The following EIF3K variants were observed in gnomAD, a reference collection of about 807,000 sequenced individuals.
The protein encoded by EIF3K is eukaryotic translation initiation factor 3 subunit K.
EIF3K carries 27 observed loss-of-function variants against 34.2 expected under a neutral mutation model. The observed-to-expected ratio is 0.79, with a 90% CI of 0.58 to 1.09. The LOEUF is 1.09. EIF3K is among the 50% of genes least tolerant of loss of function. The probability of loss-of-function intolerance (pLI) is 0.00; values close to 1 mark genes in which losing one functional copy is unlikely to be tolerated. For synonymous variants in EIF3K, 105 were observed against 105.7 expected (o/e 0.99, Z 0.04); for missense variants, 232 against 275.4 (o/e 0.84, Z 1.11).
At chr19:38,620,553 C>A in intron 2 of EIF3K, 118 bp downstream of exon 2, 2 of 875,592 alleles carry the variant, frequency 2.3e-6, no homozygotes, top group Non-Finnish European at 3.6e-6. Context: ...TCTTGGTGTG[C>A]AAGACTAGGA....
intron 2 of EIF3K, among the ~76,000 whole-genome samples, chr19:38,621,206 A>G (rs1302533778): frequency 6.6e-6 from 1 of 151,684 alleles, no homozygotes; most frequent in Non-Finnish European, 1.5e-5. Flanking sequence ...TTAAAAAAAA[A>G]AAAAAAAAAA....
intron 2 of EIF3K, among the ~76,000 whole-genome samples, chr19:38,621,192 CTT>C (rs1474888901): frequency 7.4e-6 from 1 of 135,380 alleles, no homozygotes; most frequent in Non-Finnish European, 1.6e-5. Flanking sequence ...TGAGACCCCT[CTT>C]TTTAAAAAAA....
chr19:38,620,210 C>T, intron 1 of EIF3K, 127 bp from the exon 2 acceptor site: 1 of 707,682 alleles, frequency 1.4e-6, no homozygotes, highest in Non-Finnish European at 2.5e-6. Flanking sequence ...CTGGATAGAG[C>T]AAGTGGCCAG....
intron 4 of EIF3K, chr19:38,630,815 T>C (rs1394801342): frequency 6.6e-6 from 1 of 152,136 alleles, no homozygotes; most frequent in African/African-American, 2.4e-5. Context: ...TAGTTGGGAT[T>C]ACAGGAATGT....
rs1975776736 is a variant in EIF3K at position 38,619,194 on chromosome 19, C to CT, written c.-74dup. Reference sequence around the variant, plus strand: ...TCGTTTCCGTTTCCACCACCTCTTCCTGTTCCCGTCCTTGAGGACGCCGTG... The same window carrying CT: ...TCGTTTCCGTTTCCACCACCTCTTCCTTGTTCCCGTCCTTGAGGACGCCGTG... On this transcript the variant is annotated 5_prime_UTR_variant, in exon 1 of 8. Coordinates refer to ENST00000248342, the MANE Select transcript of EIF3K (RefSeq NM_013234.4). 6.5e-7 allele frequency: 1 copy of CT among 1,547,636 alleles called. No homozygotes were observed. The highest frequency in any genetic ancestry group is 8.9e-7 in the Non-Finnish European group (1 of 1,127,160).
intron 6 of EIF3K, among the ~76,000 whole-genome samples, chr19:38,634,509 A>G (rs1976145007): frequency 6.6e-6 from 1 of 151,560 alleles, no homozygotes; most frequent in Non-Finnish European, 1.5e-5. Context: ...GAGGCAGGAG[A>G]ATTGCTTGAA....
chr19:38,627,008 AGACAGAG>A (rs1353698454), intron 4 of EIF3K, among the ~76,000 whole-genome samples: 1 of 151,894 alleles, frequency 6.6e-6, no homozygotes, highest in Non-Finnish European at 1.5e-5. Flanking sequence ...TTTATTTTTG[AGACAGAG>A]TCTCAGTCTT....
intron 2 of EIF3K, among the ~76,000 whole-genome samples, chr19:38,622,751 G>A (rs1051714924): frequency 3.3e-5 from 5 of 152,196 alleles, no homozygotes; most frequent in Admixed American, 1.3e-4. Context: ...AGACAGGTAC[G>A]CCCCGGGGGG....
In EIF3K at chr19:38,631,821, C is replaced by T. The variant is rs139441527; in HGVS notation, c.355-609C>T. Among the ~76,000 whole-genome samples, 760 of 152,248 alleles carry T rather than the reference C, an allele frequency of 5.0e-3. 4 individuals carry two copies. The highest frequency in any genetic ancestry group is 0.017 in the African/African-American group (723 of 41,556). ...TGCGGTCTTCCGCAGTGTTTGTGTC[C>T]CTGGGTACTTGAGATTAGGGAGTGG... On this transcript the variant is annotated intron_variant, in intron 4 of 7. Coordinates refer to ENST00000248342, the MANE Select transcript of EIF3K (RefSeq NM_013234.4).
At chr19:38,625,759 C>T (rs957152146) in intron 3 of EIF3K, among the ~76,000 whole-genome samples, 2 of 152,242 alleles carry the variant, frequency 1.3e-5, no homozygotes, top group African/African-American at 4.8e-5. Flanking sequence ...ATCCACCCGC[C>T]TTGGCCTCCC....
chr19:38,632,757 C>A, intron 6 of EIF3K, 79 bp downstream of exon 6: 1 of 1,357,178 alleles, frequency 7.4e-7, no homozygotes. Context: ...GCTCCTCCAA[C>A]AGGCCTGTCT....
intron 2 of EIF3K, among the ~76,000 whole-genome samples, chr19:38,622,755 C>CG (rs1975869752): frequency 1.3e-5 from 2 of 152,326 alleles, no homozygotes; most frequent in East Asian, 1.9e-4. Flanking sequence ...AGGTACGCCC[C>CG]GGGGGGCCCG....
intron 4 of EIF3K, among the ~76,000 whole-genome samples, chr19:38,626,797 TTTTG>T (rs914339265): frequency 2.2e-4 from 34 of 152,090 alleles, no homozygotes; most frequent in African/African-American, 7.5e-4. Context: ...TTTTGTTGTT[TTTTG>T]TTTGTTTGTT....
rs1313431534 is a variant in EIF3K at position 38,619,331 on chromosome 19, T to C, written c.59+4T>C. On this transcript the variant is annotated splice_donor_region_variant and intron_variant, in intron 1 of 7. Transcript: ENST00000248342. ...AGTTGCTCAAGGGTATCGACAGGTC[T>C]GAGCCCGGTTGGAGGAAGCGCTCTG... The C allele has an allele frequency of 6.2e-7, 1 of 1,613,744 alleles. No individual in the cohort carries two copies. The highest frequency in any genetic ancestry group is 8.5e-7 in the Non-Finnish European group (1 of 1,179,762).
intron 6 of EIF3K, chr19:38,632,921 G>A (rs1241218232): frequency 1.5e-5 from 7 of 455,892 alleles, no homozygotes; most frequent in South Asian, 4.4e-5. Flanking sequence ...TAAACTGGGC[G>A]TGCAGCAGTA....
chr19:38,631,698 G>C (rs895295175), intron 4 of EIF3K, among the ~76,000 whole-genome samples: 8 of 152,142 alleles, frequency 5.3e-5, no homozygotes, highest in African/African-American at 1.9e-4. Context: ...GTCGGGCTGG[G>C]GGACTGTCAG....
At chr19:38,635,189 C>T (rs781132516) in intron 7 of EIF3K, 71 bp downstream of exon 7, 25 of 1,603,346 alleles carry the variant, frequency 1.6e-5, no homozygotes, top group Non-Finnish European at 2.1e-5. Flanking sequence ...GAGGCAGGGG[C>T]CCAGAGGACC....
chr19:38,636,285 G>C (rs566357539), intron 7 of EIF3K, among the ~76,000 whole-genome samples: 1 of 152,320 alleles, frequency 6.6e-6, no homozygotes, highest in African/African-American at 2.4e-5. Flanking sequence ...GCCCAGCCCT[G>C]CCGGGGGAGT....
chr19:38,634,599 CA>C (rs937490768), intron 6 of EIF3K, among the ~76,000 whole-genome samples: 73 of 135,688 alleles, frequency 5.4e-4, no homozygotes, highest in Non-Finnish European at 5.3e-4. Context: ...AACTCCGTCT[CA>C]AAAAAAAAAA....
Sources: allele counts gnomAD v4.1 joint callset (sites outside exome capture counted in the v4.1 genomes callset), GRCh38; gene constraint gnomAD v4.1.1; transcripts MANE v1.5; gene names NCBI Gene and HGNC (gene_info 2026-07-23, HGNC 2026-07-21).